The following ARHGAP26 variants were observed in gnomAD, a reference collection of about 807,000 sequenced individuals.
ARHGAP26 encodes the protein rho GTPase-activating protein 26.
Under a neutral mutation model 104.8 loss-of-function variants are expected in ARHGAP26, and 38 were observed. The ratio of observed to expected loss-of-function variants is 0.36; its 90% CI spans 0.28 to 0.48. The LOEUF (loss-of-function observed/expected upper bound fraction) is 0.48, where lower values mean the gene tolerates loss of function less well. ARHGAP26 is among the 20% of genes least tolerant of loss of function. The pLI is 0.99. For synonymous variants in ARHGAP26, 341 were observed against 340.0 expected (o/e 1.00, Z -0.03); for missense variants, 704 against 947.9 (o/e 0.74, Z 3.38).
intron 12 of ARHGAP26, among the ~76,000 whole-genome samples, chr5:143,027,363 T>C (rs1781214866): frequency 6.6e-6 from 1 of 150,564 alleles, no homozygotes. Flanking sequence ...TTTTTTTTTT[T>C]AGTAGAGACA....
At chr5:142,928,938 C>T (rs1361118653) in intron 10 of ARHGAP26, among the ~76,000 whole-genome samples, 1 of 151,848 alleles carries the variant, frequency 6.6e-6, no homozygotes, top group Non-Finnish European at 1.5e-5. Flanking sequence ...CCATATTATC[C>T]TCCTTCTTTT....
chr5:142,904,175 A>G (rs1322051152), intron 8 of ARHGAP26, among the ~76,000 whole-genome samples: 1 of 152,030 alleles, frequency 6.6e-6, no homozygotes, highest in African/African-American at 2.4e-5. Context: ...TATGAAAAGT[A>G]GGAACAAAGG....
chr5:142,873,466 A>G lies in ARHGAP26; in HGVS notation c.221A>G (p.Asp74Gly), dbSNP rs1755630988. The stretch of plus-strand genomic sequence containing the variant: ...GAATTTAAATTTCAGTGCATAGGAG[A>G]TGCAGAAACAGATGATGAGATGTGT... ...LNEFKFQCIG[D>G]AETDDEMCIA... The change falls in exon 2 of 23, where the codon GAT becomes GGT. Residue 74 changes from aspartate (D) to glycine (G), a missense_variant. This residue lies in a region of ARHGAP26 where 1 missense variants were observed against 16.9 expected (regional missense o/e 0.06). Transcript: ENST00000645722. The G allele has an allele frequency of 6.3e-7, 1 of 1,597,372 alleles. No homozygotes were observed.
At chr5:143,123,540 G>A (rs1013622441) in intron 18 of ARHGAP26, among the ~76,000 whole-genome samples, 2 of 152,136 alleles carry the variant, frequency 1.3e-5, no homozygotes, top group African/African-American at 2.4e-5. Flanking sequence ...GGATGTTGTC[G>A]GAGACTTACT....
intron 1 of ARHGAP26, among the ~76,000 whole-genome samples, chr5:142,838,515 T>C (rs990017543): frequency 2.6e-5 from 4 of 152,230 alleles, no homozygotes; most frequent in Admixed American, 6.5e-5. Context: ...GCCACGCTTA[T>C]TGGCTGTGTC....
rs781237470 is a variant in ARHGAP26, at chr5:142,770,827, C to G, written c.66C>G (p.Leu22=). ...CLDSPHFRET[L]KSHEAELDKT... The stretch of plus-strand genomic sequence containing the variant: ...ATAGTCCGCACTTCCGAGAGACGCT[C>G]AAGTCGCACGAAGCAGAGCTGGACA... Residue 22 remains leucine, a synonymous_variant, in exon 1 of 23, where the codon CTC becomes CTG. Transcript: ENST00000645722. 1 of 1,610,442 alleles carries G rather than the reference C, an allele frequency of 6.2e-7. No individual in the cohort carries two copies. The highest frequency in any genetic ancestry group is 1.7e-5 in the Admixed American group (1 of 59,776).
intron 1 of ARHGAP26, among the ~76,000 whole-genome samples, chr5:142,798,292 A>T (rs1423067173): frequency 6.6e-6 from 1 of 152,102 alleles, no homozygotes; most frequent in Non-Finnish European, 1.5e-5. Context: ...TTTGATGCTC[A>T]TGTGCCTCCT....
At chr5:143,098,204 G>A (rs1792691155) in intron 17 of ARHGAP26, among the ~76,000 whole-genome samples, 1 of 152,094 alleles carries the variant, frequency 6.6e-6, no homozygotes, top group South Asian at 2.1e-4. Context: ...TTGACCATAA[G>A]TTCTAATGTT....
Position 143,207,259 on chromosome 5 carries a change from T to C in ARHGAP26, c.2050T>C (p.Ser684Pro). 6.2e-7 allele frequency: 1 copy of C among 1,614,146 alleles called. No individual in the cohort carries two copies. The highest frequency in any genetic ancestry group is 1.7e-5 in the Admixed American group (1 of 60,006). Residue 684 changes from serine (S) to proline (P), a missense_variant, in exon 21 of 23, where the codon TCC becomes CCC. Transcript: ENST00000645722. ...ATCTTGGCCCATGTTCTCGGCGCCATCCAGCCCTATGCCCACCTCATCCAC... is the reference window on the plus strand; with the variant it reads ...ATCTTGGCCCATGTTCTCGGCGCCACCCAGCCCTATGCCCACCTCATCCAC... ...SPSWPMFSAP[S>P]SPMPTSSTSS...
chr5:142,886,848 G>A (rs412738), intron 5 of ARHGAP26, among the ~76,000 whole-genome samples: 73,311 of 152,116 alleles, frequency 0.48, 21,810 homozygotes, highest in East Asian at 0.9. Flanking sequence ...ATCTGTCTTG[G>A]TGCCCTGACT....
intron 11 of ARHGAP26, among the ~76,000 whole-genome samples, chr5:142,946,100 A>G (rs752551838): frequency 9.2e-5 from 14 of 152,192 alleles, no homozygotes; most frequent in Non-Finnish European, 1.8e-4. Flanking sequence ...GTAATAATTC[A>G]TACATTTCCA....
chr5:142,955,928 G>A (rs1239148706), intron 11 of ARHGAP26, among the ~76,000 whole-genome samples: 1 of 152,060 alleles, frequency 6.6e-6, no homozygotes, highest in Admixed American at 6.6e-5. Flanking sequence ...CCAGAATCTT[G>A]GCTGCAGCAG....
intron 10 of ARHGAP26, among the ~76,000 whole-genome samples, chr5:142,931,622 G>T (rs1764729002): frequency 1.4e-5 from 2 of 147,180 alleles, no homozygotes; most frequent in South Asian, 2.4e-4. Context: ...CTCCAGGTTG[G>T]ATATTTTCTC....
At chr5:143,180,898 G>A (rs1387786568) in intron 20 of ARHGAP26, among the ~76,000 whole-genome samples, 1 of 152,176 alleles carries the variant, frequency 6.6e-6, no homozygotes, top group South Asian at 2.1e-4. Flanking sequence ...CAAGCCAGTT[G>A]ACTGTTACAC....
intron 1 of ARHGAP26, among the ~76,000 whole-genome samples, chr5:142,810,946 T>C (rs2152019559): frequency 6.6e-6 from 1 of 152,342 alleles, no homozygotes; most frequent in East Asian, 1.9e-4. Context: ...ACCAGCTGTA[T>C]TCACCATATT....
In ARHGAP26 at chr5:143,133,985, G is replaced by A. The variant is rs775284912; in HGVS notation, c.1717G>A (p.Asp573Asn). The A allele has an allele frequency of 6.8e-6, 11 of 1,611,368 alleles. No homozygotes were observed. The highest frequency in any genetic ancestry group is 1.3e-5 in the African/African-American group (1 of 74,818). The change falls in exon 19 of 23, where the codon GAT becomes AAT. Residue 573 changes from aspartate (D) to asparagine (N), a missense_variant. Coordinates refer to ENST00000645722, the MANE Select transcript of ARHGAP26 (RefSeq NM_001135608.3). Reference protein sequence around the residue: ...NHEKIFNTVPDMPLTNAQLHL... With the variant: ...NHEKIFNTVPNMPLTNAQLHL... ...TTTGCAGATATTTAACACCGTGCCCGATATGCCTCTCACCAATGCCCAGCT... is the reference window on the plus strand; with the variant it reads ...TTTGCAGATATTTAACACCGTGCCCAATATGCCTCTCACCAATGCCCAGCT...
intron 6 of ARHGAP26, among the ~76,000 whole-genome samples, chr5:142,897,317 A>AT (rs1348568599): frequency 6.6e-6 from 1 of 152,218 alleles, no homozygotes; most frequent in African/African-American, 2.4e-5. Context: ...AGTAATAGGG[A>AT]TTTGCCCAAA....
chr5:143,090,458 C>T (rs1391783980), intron 17 of ARHGAP26, among the ~76,000 whole-genome samples: 2 of 151,856 alleles, frequency 1.3e-5, no homozygotes, highest in African/African-American at 2.4e-5. Flanking sequence ...CTATCTCAGT[C>T]GTGTCATTAG....
At chr5:142,936,715 C>T (rs1765473601) in intron 11 of ARHGAP26, among the ~76,000 whole-genome samples, 1 of 151,940 alleles carries the variant, frequency 6.6e-6, no homozygotes, top group African/African-American at 2.4e-5. Flanking sequence ...CAGAAATAGA[C>T]TCACACAAAT....
Sources: allele counts gnomAD v4.1 joint callset (sites outside exome capture counted in the v4.1 genomes callset), GRCh38; gene constraint gnomAD v4.1.1; regional missense constraint gnomAD v4.1.1; transcripts MANE v1.5; gene names NCBI Gene and HGNC (gene_info 2026-07-23, HGNC 2026-07-21).